Variants in MPZL1 observed in about 807,000 individuals in gnomAD.
MPZL1 encodes the protein myelin protein zero-like protein 1.
Under a neutral mutation model 29.3 loss-of-function variants are expected in MPZL1, and 16 were observed. The observed-to-expected ratio is 0.55, with a 90% CI of 0.37 to 0.83. The LOEUF (loss-of-function observed/expected upper bound fraction) is 0.83, where lower values mean the gene tolerates loss of function less well. MPZL1 is among the 40% of genes least tolerant of loss of function. The pLI is 0.00. For missense variants in MPZL1, 279 were observed against 332.9 expected, an observed-to-expected ratio of 0.84 and a Z score of 1.26; for synonymous variants, 143 against 132.0, an observed-to-expected ratio of 1.08 and a Z score of -0.57.
chr1:167,729,225 G>C (rs1390987270), intron 1 of MPZL1, among the ~76,000 whole-genome samples: 1 of 151,488 alleles, frequency 6.6e-6, no homozygotes, highest in African/African-American at 2.4e-5. Flanking sequence ...AGCTGAGATC[G>C]TGTCATCGCA....
intron 1 of MPZL1, among the ~76,000 whole-genome samples, chr1:167,738,887 A>G (rs982254750): frequency 6.6e-6 from 1 of 152,030 alleles, no homozygotes; most frequent in Non-Finnish European, 1.5e-5. Context: ...TTAATAAATT[A>G]CCCAGTCTCA....
chr1:167,746,371 C>T (rs1410624462), intron 1 of MPZL1, among the ~76,000 whole-genome samples: 1 of 152,058 alleles, frequency 6.6e-6, no homozygotes, highest in Non-Finnish European at 1.5e-5. Context: ...GCTCTGTGTG[C>T]CGTGCGAGGG....
intron 2 of MPZL1, among the ~76,000 whole-genome samples, chr1:167,770,627 C>T (rs1661220187): frequency 6.6e-6 from 1 of 152,164 alleles, no homozygotes; most frequent in African/African-American, 2.4e-5. Flanking sequence ...GATTCTTCTC[C>T]TTTGTGCTTC....
In MPZL1 at chr1:167,744,944, G is replaced by A. The variant is rs146111835; in HGVS notation, c.92-20639G>A. Among the ~76,000 whole-genome samples the A allele has an allele frequency of 6.3e-3, 962 of 152,248 alleles. 11 individuals carry two copies. The highest frequency in any genetic ancestry group is 0.022 in the African/African-American group (904 of 41,568). On this transcript the variant is annotated intron_variant, in intron 1 of 5. Transcript: ENST00000359523. ...TACTTCTCCCCCCACTGCAAAATTTGGTTAAGATGTGGAAACTGATGATAC... is the reference window on the plus strand; with the variant it reads ...TACTTCTCCCCCCACTGCAAAATTTAGTTAAGATGTGGAAACTGATGATAC...
intron 1 of MPZL1, among the ~76,000 whole-genome samples, chr1:167,745,297 A>C (rs1660622116): frequency 6.6e-6 from 1 of 152,062 alleles, no homozygotes; most frequent in Non-Finnish European, 1.5e-5. Flanking sequence ...CTTTATTACA[A>C]ATATATTTTT....
intron 5 of MPZL1, among the ~76,000 whole-genome samples, chr1:167,776,600 G>T (rs2051655): frequency 1.3e-5 from 2 of 152,070 alleles, no homozygotes; most frequent in African/African-American, 4.8e-5. Flanking sequence ...ATTATTTTCT[G>T]TGGATTCTTT....
At chr1:167,736,833 C>A (rs1218913369) in intron 1 of MPZL1, among the ~76,000 whole-genome samples, 1 of 152,180 alleles carries the variant, frequency 6.6e-6, no homozygotes, top group Non-Finnish European at 1.5e-5. Flanking sequence ...CTCTCTTGGG[C>A]AAATTTAATT....
At chr1:167,749,923 A>C (rs1388336955) in intron 1 of MPZL1, among the ~76,000 whole-genome samples, 3 of 152,200 alleles carry the variant, frequency 2.0e-5, no homozygotes, top group Non-Finnish European at 2.9e-5. Flanking sequence ...AGCATTTACA[A>C]AAGTTCAAAA....
intron 1 of MPZL1, among the ~76,000 whole-genome samples, chr1:167,754,728 C>A (rs1442844674): frequency 1.3e-5 from 2 of 152,198 alleles, no homozygotes; most frequent in Non-Finnish European, 2.9e-5. Context: ...CCCAACATCT[C>A]ATTTGTATGC....
At chr1:167,764,046 G>T (rs1445486439) in intron 1 of MPZL1, among the ~76,000 whole-genome samples, 3 of 152,148 alleles carry the variant, frequency 2.0e-5, no homozygotes, top group African/African-American at 7.2e-5. Context: ...ATCAGTCCTG[G>T]CTGACAATAC....
At chr1:167,726,089 C>T (rs895725182) in intron 1 of MPZL1, among the ~76,000 whole-genome samples, 2 of 152,170 alleles carry the variant, frequency 1.3e-5, no homozygotes, top group African/African-American at 4.8e-5. Flanking sequence ...CTGGTTTCTG[C>T]TTACCTCTAT....
intron 5 of MPZL1, 96 bp downstream of exon 5, chr1:167,776,262 A>T: frequency 1.4e-6 from 1 of 726,090 alleles, no homozygotes; most frequent in Non-Finnish European, 2.2e-6. Context: ...GAGCTATGAG[A>T]GACAGAGACA....
chr1:167,727,564 C>T (rs1422999317), intron 1 of MPZL1, among the ~76,000 whole-genome samples: 1 of 152,186 alleles, frequency 6.6e-6, no homozygotes, highest in Non-Finnish European at 1.5e-5. Context: ...AGAAGCATCT[C>T]CTGAGGTCTC....
At chr1:167,740,507 T>A (rs148041871) in intron 1 of MPZL1, among the ~76,000 whole-genome samples, 1 of 152,174 alleles carries the variant, frequency 6.6e-6, no homozygotes, top group Non-Finnish European at 1.5e-5. Context: ...TCTGGTTTTC[T>A]TCCCCTCTCA....
At chr1:167,730,062 G>A (rs543016022) in intron 1 of MPZL1, among the ~76,000 whole-genome samples, 1 of 152,256 alleles carries the variant, frequency 6.6e-6, no homozygotes, top group Non-Finnish European at 1.5e-5. Context: ...TGTTTACAGA[G>A]TGGCTTTTTA....
intron 5 of MPZL1, among the ~76,000 whole-genome samples, chr1:167,782,966 T>G (rs1381808783): frequency 6.6e-6 from 1 of 152,232 alleles, no homozygotes; most frequent in Non-Finnish European, 1.5e-5. Flanking sequence ...CATTTCAGAC[T>G]TCTGACCTGT....
intron 2 of MPZL1, among the ~76,000 whole-genome samples, chr1:167,768,782 A>T (rs1292467340): frequency 6.6e-6 from 1 of 152,218 alleles, no homozygotes; most frequent in Non-Finnish European, 1.5e-5. Context: ...AGCCTGACTG[A>T]GGGAGCTGTC....
chr1:167,740,968 T>TC (rs1296841957), intron 1 of MPZL1, among the ~76,000 whole-genome samples: 1 of 152,150 alleles, frequency 6.6e-6, no homozygotes, highest in East Asian at 1.9e-4. Context: ...TCTCCTTGCC[T>TC]CTAGTCTAGG....
At chr1:167,764,987 A>T (rs1451438393) in intron 1 of MPZL1, 1 of 152,282 alleles carries the variant, frequency 6.6e-6, no homozygotes, top group Non-Finnish European at 1.5e-5. Flanking sequence ...TGTGGGGGGA[A>T]GGACGGCAGG....
Sources: gnomAD v4.1 joint callset for allele counts (sites outside exome capture counted in the v4.1 genomes callset) on GRCh38, gnomAD v4.1.1 for gene constraint, MANE v1.5 for transcripts, NCBI Gene and HGNC (gene_info 2026-07-23, HGNC 2026-07-21) for gene names.